The following CRYBG3 variants were observed in gnomAD, a reference collection of about 807,000 sequenced individuals.
The protein encoded by CRYBG3 is very large A-kinase anchor protein.
Under a neutral mutation model 244.2 loss-of-function variants are expected in CRYBG3, and 127 were observed. The ratio of observed to expected loss-of-function variants is 0.52; its 90% CI spans 0.45 to 0.60. CRYBG3 has a LOEUF of 0.60. CRYBG3 is among the 20% of genes least tolerant of loss of function. The pLI is 0.00. For missense variants in CRYBG3, 3,325 were observed against 3,442.5 expected, an observed-to-expected ratio of 0.97 and a Z score of 0.85; for synonymous variants, 1,132 against 1,195.8, an observed-to-expected ratio of 0.95 and a Z score of 1.10.
chr3:97,822,843 G>T (rs2108145931), intron 1 of CRYBG3, among the ~76,000 whole-genome samples: 1 of 152,360 alleles, frequency 6.6e-6, no homozygotes, highest in East Asian at 1.9e-4. Flanking sequence ...AAAAGGTAAA[G>T]CTTTGGGGCG....
At position 97,912,248 on chromosome 3, in the gene CRYBG3, C is replaced by A. The variant is rs759358571; in HGVS notation, c.8086C>A (p.Pro2696Thr). ...EETSDLTSLM[P>T]CSFKVLRGCW... ...AACTTCTGATTTGACTTCACTCATG[C>A]CATGTTCTTTTAAAGTTCTTCGAGG... The change falls in exon 16 of 22, where the codon CCA becomes ACA. Residue 2696 changes from proline to threonine, a missense_variant. Around this residue, in one of 4 missense-constraint regions of CRYBG3, gnomAD observed 714 missense variants for 803.6 expected, o/e 0.89. Coordinates refer to ENST00000389622, the MANE Select transcript of CRYBG3 (RefSeq NM_153605.4). The A allele has an allele frequency of 6.2e-7, 1 of 1,602,674 alleles. No homozygotes were observed. The highest frequency in any genetic ancestry group is 1.1e-5 in the South Asian group (1 of 89,440).
chr3:97,936,869 C>G lies in CRYBG3; in HGVS notation c.8466C>G (p.Ser2822Arg). Residue 2822 changes from serine (S) to arginine (R), a missense_variant, in exon 19 of 22, where the codon AGC (serine) becomes AGG (arginine). This residue lies in a region of CRYBG3 where 714 missense variants were observed against 803.6 expected (regional missense o/e 0.89). Transcript: ENST00000389622. ...AGATCCCAAACTGGACAGCATTCAG[C>G]AGATGGAAAACAATTGGTTCCCTCC... ...PNEIPNWTAF[S>R]RWKTIGSLRP... 1 of 1,612,984 alleles carries G rather than the reference C, an allele frequency of 6.2e-7. No homozygotes were observed. The highest frequency in any genetic ancestry group is 8.5e-7 in the Non-Finnish European group (1 of 1,179,348).
intron 2 of CRYBG3, among the ~76,000 whole-genome samples, chr3:97,847,017 C>A (rs557121169): frequency 6.6e-6 from 1 of 152,246 alleles, no homozygotes; most frequent in Non-Finnish European, 1.5e-5. Context: ...AAAGAAGGAG[C>A]AGACATGTCA....
intron 2 of CRYBG3, among the ~76,000 whole-genome samples, chr3:97,849,445 A>G (rs2038952767): frequency 6.6e-6 from 1 of 152,172 alleles, no homozygotes; most frequent in African/African-American, 2.4e-5. Flanking sequence ...TTCTAAAAAA[A>G]AAAAGTGAGT....
chr3:97,883,358 G>A (rs1235868359), intron 7 of CRYBG3, among the ~76,000 whole-genome samples: 6 of 152,056 alleles, frequency 3.9e-5, no homozygotes, highest in Non-Finnish European at 5.9e-5. Flanking sequence ...TAGTTAGTTC[G>A]TAACTGAACT....
At position 97,877,985 on chromosome 3, in the gene CRYBG3, C is replaced by T; in HGVS notation, c.6791C>T (p.Ser2264Leu). Reference protein sequence around the residue: ...RFGGIFQEPVSKYFRVQDSPG... With the variant: ...RFGGIFQEPVLKYFRVQDSPG... ...GGTGGAATTTTTCAGGAACCAGTGT[C>T]AAAATATTTCCGTGTTCAAGACAGC... Residue 2264 changes from serine to leucine, a missense_variant, in exon 4 of 22, where the codon TCA (serine) becomes TTA (leucine). This residue lies in a region of CRYBG3 where 450 missense variants were observed against 424.1 expected (regional missense o/e 1.06). Transcript: ENST00000389622. 6.2e-7 allele frequency: 1 copy of T among 1,614,016 alleles called. No homozygotes were observed. The highest frequency in any genetic ancestry group is 1.7e-4 in the Middle Eastern group (1 of 6,060).
chr3:97,907,079 C>T (rs1172799662), intron 15 of CRYBG3, among the ~76,000 whole-genome samples: 3 of 152,186 alleles, frequency 2.0e-5, no homozygotes, highest in African/African-American at 7.2e-5. Context: ...AACAGCCTTG[C>T]ATCCCAGGGA....
At chr3:97,853,201 C>A (rs1396371729) in intron 2 of CRYBG3, among the ~76,000 whole-genome samples, 2 of 116,010 alleles carry the variant, frequency 1.7e-5, no homozygotes, top group East Asian at 5.9e-4. Flanking sequence ...CCATTTTTAT[C>A]ATTCTTATGC....
rs370220708 is a variant in CRYBG3 at position 97,830,470 on chromosome 3, TCTTGGTTAACTCCTC to T, written c.149+8119_149+8133del. 7.0e-3 allele frequency among the ~76,000 whole-genome samples: 1,062 copies of T among 152,278 alleles called. 11 individuals carry two copies. The highest frequency in any genetic ancestry group is 0.024 in the African/African-American group (1,015 of 41,550). ...TTTTTGGACTTCACGTATTCCTCTT[TCTTGGTTAACTCCTC>T]CTTTTGTTGGCATATATCTAACAAA... is the stretch of plus-strand genomic sequence containing the variant. On this transcript the variant is annotated intron_variant, in intron 1 of 21. Transcript: ENST00000389622.
intron 3 of CRYBG3, among the ~76,000 whole-genome samples, chr3:97,865,961 T>C (rs2039224559): frequency 6.6e-6 from 1 of 152,136 alleles, no homozygotes; most frequent in East Asian, 1.9e-4. Flanking sequence ...GAGAAAATTA[T>C]ACACAAAAAT....
At chr3:97,834,113 G>A (rs1334881375) in intron 1 of CRYBG3, among the ~76,000 whole-genome samples, 2 of 151,998 alleles carry the variant, frequency 1.3e-5, no homozygotes, top group African/African-American at 4.8e-5. Flanking sequence ...CCAACACTGG[G>A]GGTTGAATTT....
Position 97,886,663 on chromosome 3 carries a change from A to G in CRYBG3, c.7185A>G (p.Pro2395=), listed in dbSNP as rs2039510350. 1 of 1,605,332 alleles carries G rather than the reference A, an allele frequency of 6.2e-7. No homozygotes were observed. Among genetic ancestry groups the G allele is most frequent in the Non-Finnish European group, 8.5e-7 (1 of 1,177,722 alleles). ...DCSIPEIELF[P]QSDPACCPVY... ...GCATTCCAGAAATAGAGCTTTTCCC[A>G]CAATCTGACCCAGCCTGTTGTCCTG... Residue 2395 remains proline (P), a synonymous_variant, in exon 8 of 22, where the codon CCA becomes CCG. Coordinates refer to ENST00000389622, the MANE Select transcript of CRYBG3 (RefSeq NM_153605.4).
At chr3:97,838,322 G>T (rs1193085623) in intron 1 of CRYBG3, among the ~76,000 whole-genome samples, 1 of 152,058 alleles carries the variant, frequency 6.6e-6, no homozygotes, top group East Asian at 1.9e-4. Flanking sequence ...AGATTCTCCT[G>T]GTCAGATTTT....
At position 97,933,385 on chromosome 3, in the gene CRYBG3, G is replaced by A. The variant is rs1056876841; in HGVS notation, c.8242-309G>A. The A allele has an allele frequency of 3.8e-5, 15 of 391,614 alleles. No individual in the cohort carries two copies. In the Admixed American group the frequency reaches 5.2e-4, roughly 14 times the overall value. The allele number at this position is 391,614 out of a possible 1,614,324, so 24.3% of individuals were successfully genotyped here. A position where few individuals can be genotyped will look rare whatever the true frequency, so the allele number is the denominator to read the frequency against. On this transcript the variant is annotated intron_variant, in intron 17 of 21. Transcript: ENST00000389622. ...AAAAGCATTGGCAGGACTAATTATG[G>A]TCCATATTACAGTACCACAAGACCT...
intron 17 of CRYBG3, among the ~76,000 whole-genome samples, chr3:97,923,056 G>T (rs1413100568): frequency 6.6e-6 from 1 of 152,138 alleles, no homozygotes; most frequent in African/African-American, 2.4e-5. Context: ...GATGAAGCTG[G>T]AAACCATCAT....
At chr3:97,853,204 T>G (rs1294701977) in intron 2 of CRYBG3, among the ~76,000 whole-genome samples, 1 of 148,766 alleles carries the variant, frequency 6.7e-6, no homozygotes, top group Non-Finnish European at 1.5e-5. Context: ...TTTTTATCAT[T>G]CTTATGCCTT....
At chr3:97,841,617 G>A (rs1186574806) in intron 1 of CRYBG3, among the ~76,000 whole-genome samples, 1 of 151,844 alleles carries the variant, frequency 6.6e-6, no homozygotes, top group African/African-American at 2.4e-5. Context: ...ATCCGCTTTG[G>A]GACAGCCTTT....
Position 97,943,282 on chromosome 3 carries a change from G to GAAAC in CRYBG3, c.8883_8886dup (p.Gln2963AsnfsTer7). On this transcript the variant is annotated frameshift_variant, in exon 22 of 22. Coordinates refer to ENST00000389622, the MANE Select transcript of CRYBG3 (RefSeq NM_153605.4). LOFTEE classifies it high-confidence loss of function. ...TGTAAATCAGCCCCTGGAGGGAGAA[G>GAAAC]AAACACAGAAATGGGACATTGAAAT... is the stretch of plus-strand genomic sequence containing the variant. 6.3e-7 allele frequency: 1 copy of GAAAC among 1,588,476 alleles called. No individual in the cohort carries two copies. The highest frequency in any genetic ancestry group is 2.2e-5 in the East Asian group (1 of 44,606).
chr3:97,835,234 G>C (rs544881449), intron 1 of CRYBG3, among the ~76,000 whole-genome samples: 1 of 151,950 alleles, frequency 6.6e-6, no homozygotes, highest in Admixed American at 6.6e-5. Context: ...ACTTACATAG[G>C]GTTGTATTCT....
Sources: gnomAD v4.1 joint callset for allele counts (sites outside exome capture counted in the v4.1 genomes callset) on GRCh38, gnomAD v4.1.1 for gene constraint, gnomAD v4.1.1 regional missense constraint, MANE v1.5 for transcripts, NCBI Gene and HGNC (gene_info 2026-07-23, HGNC 2026-07-21) for gene names.